Variants in TPST1 observed in about 807,000 individuals in gnomAD.
TPST1 encodes the protein protein-tyrosine sulfotransferase 1.
TPST1 carries 20 observed loss-of-function variants against 34.8 expected under a neutral mutation model. The ratio of observed to expected loss-of-function variants is 0.57; its 90% confidence interval spans 0.40 to 0.84. The LOEUF (loss-of-function observed/expected upper bound fraction) is 0.84. Ranked by LOEUF, TPST1 falls within the 40% of genes least tolerant of loss-of-function variation. TPST1 has a pLI of 0.00. For missense variants in TPST1, 353 were observed against 455.5 expected (o/e 0.78, Z 2.05); for synonymous variants, 152 against 159.4 (o/e 0.95, Z 0.35).
chr7:66,225,996 C>T (rs1254461375), intron 1 of TPST1, among the ~76,000 whole-genome samples: 1 of 152,108 alleles, frequency 6.6e-6, no homozygotes, highest in Non-Finnish European at 1.5e-5. Context: ...ACGCCATTCT[C>T]CTGTCTCAGC....
At chr7:66,263,503 A>G (rs534737570) in intron 2 of TPST1, among the ~76,000 whole-genome samples, 1 of 152,318 alleles carries the variant, frequency 6.6e-6, no homozygotes, top group South Asian at 2.1e-4. Context: ...ACCTGAGGCA[A>G]TATTTCTTCA....
At chr7:66,355,902 CAAAAA>C (rs573200695) in intron 4 of TPST1, among the ~76,000 whole-genome samples, 1,408 of 56,862 alleles carry the variant, frequency 0.025, 17 homozygotes, top group African/African-American at 0.093. Flanking sequence ...AAGACTCCAT[CAAAAA>C]AAAAAAAAAA....
chr7:66,326,705 C>A (rs1371841285), intron 3 of TPST1, among the ~76,000 whole-genome samples: 1 of 152,186 alleles, frequency 6.6e-6, no homozygotes, highest in Non-Finnish European at 1.5e-5. Context: ...CAACTCAATT[C>A]ACATTCCAAT....
intron 2 of TPST1, among the ~76,000 whole-genome samples, chr7:66,253,155 A>G (rs1790302667): frequency 6.6e-6 from 1 of 152,196 alleles, no homozygotes; most frequent in South Asian, 2.1e-4. Context: ...GTTAGGTATT[A>G]TAAGTAATCT....
chr7:66,338,963 ACAAAC>A (rs1466606642), intron 3 of TPST1, among the ~76,000 whole-genome samples: 1 of 152,164 alleles, frequency 6.6e-6, no homozygotes, highest in Non-Finnish European at 1.5e-5. Flanking sequence ...CATCTAAAAA[ACAAAC>A]CAATGTTAAT....
chr7:66,232,570 G>A (rs1201863468), intron 1 of TPST1, among the ~76,000 whole-genome samples: 1 of 152,076 alleles, frequency 6.6e-6, no homozygotes, highest in East Asian at 1.9e-4. Flanking sequence ...TGTTAGCCAG[G>A]ATGGTCTCGA....
intron 3 of TPST1, among the ~76,000 whole-genome samples, chr7:66,292,594 A>G (rs1452563420): frequency 9.4e-6 from 1 of 106,246 alleles, no homozygotes; most frequent in Non-Finnish European, 1.9e-5. Context: ...GAAAAGCGCA[A>G]TATTTGGGTG....
rs546339747 is a variant in TPST1 at position 66,227,028 on chromosome 7, C to CTTTTTTTTTTTTTTTTTTT, written c.-101-13292_-101-13274dup. 2.3e-4 allele frequency among the ~76,000 whole-genome samples: 16 copies of CTTTTTTTTTTTTTTTTTTT among 69,206 alleles called. 5 individuals carry two copies. Among genetic ancestry groups the CTTTTTTTTTTTTTTTTTTT allele is most frequent in the African/African-American group, 1.1e-3 (16 of 14,898 alleles). The allele number at this position is 69,206 out of a possible 152,430, so 45.4% of individuals were successfully genotyped here. A position where few individuals can be genotyped will look rare whatever the true frequency, so the allele number is the denominator to read the frequency against. On this transcript the variant is annotated intron_variant, in intron 1 of 5. Coordinates refer to ENST00000304842, the MANE Select transcript of TPST1 (RefSeq NM_003596.4). ...TTGGTGTTGGATGCCTTAAAATAAG[C>CTTTTTTTTTTTTTTTTTTT]TTTTTTTTTTTTTTTTTTTTTTTGA...
intron 2 of TPST1, among the ~76,000 whole-genome samples, chr7:66,273,904 G>A (rs1273145459): frequency 6.6e-6 from 1 of 152,156 alleles, no homozygotes; most frequent in African/African-American, 2.4e-5. Flanking sequence ...CTGGGTTCAA[G>A]CGATTCTCTC....
At chr7:66,210,983 A>ACG (rs1039129628) in intron 1 of TPST1, among the ~76,000 whole-genome samples, 17 of 151,556 alleles carry the variant, frequency 1.1e-4, no homozygotes, top group East Asian at 3.9e-4. Flanking sequence ...TGCCACACAC[A>ACG]CGCGCGCGCA....
chr7:66,270,762 G>A (rs943474192), intron 2 of TPST1, among the ~76,000 whole-genome samples: 5 of 152,088 alleles, frequency 3.3e-5, no homozygotes, highest in Non-Finnish European at 2.9e-5. Flanking sequence ...TAAATTGATC[G>A]CTGAGCCCAG....
rs915341558 is a variant in TPST1 at position 66,241,127 on chromosome 7, C to T, written c.702C>T (p.Cys234=). The T allele has an allele frequency of 3.1e-6, 5 of 1,614,134 alleles. No homozygotes were observed. Among genetic ancestry groups the T allele is most frequent in the South Asian group, 1.1e-5 (1 of 91,084 alleles). Residue 234 remains cysteine (C), a synonymous_variant, in exon 2 of 6, where the codon TGC becomes TGT. Coordinates refer to ENST00000304842, the MANE Select transcript of TPST1 (RefSeq NM_003596.4). ...GTATGGAGGTTGGTTATAAAAAGTGCATGTTGGTTCACTATGAACAACTTG... is the reference window on the plus strand; with the variant it reads ...GTATGGAGGTTGGTTATAAAAAGTGTATGTTGGTTCACTATGAACAACTTG... The part of the protein sequence containing the change: ...NQCMEVGYKK[C]MLVHYEQLVL...
intron 1 of TPST1, among the ~76,000 whole-genome samples, chr7:66,239,646 A>T (rs74424313): frequency 0.029 from 4,391 of 152,324 alleles, 90 homozygotes; most frequent in Non-Finnish European, 0.044. Flanking sequence ...TCTGAATAGC[A>T]GAGATCAGCC....
chr7:66,303,560 C>G (rs954395944), intron 3 of TPST1, among the ~76,000 whole-genome samples: 186 of 152,216 alleles, frequency 1.2e-3, no homozygotes, highest in African/African-American at 4.3e-3. Context: ...CAGGTGCATG[C>G]CACCATGCCT....
At chr7:66,344,530 A>C (rs1317641195) in intron 3 of TPST1, 4 of 152,338 alleles carry the variant, frequency 2.6e-5, no homozygotes, top group Admixed American at 2.6e-4. Flanking sequence ...CTCCTGCCTC[A>C]GCCTCCAGAG....
intron 2 of TPST1, among the ~76,000 whole-genome samples, chr7:66,248,503 G>GTTTTTT (rs373801835): frequency 2.4e-5 from 3 of 124,264 alleles, no homozygotes; most frequent in African/African-American, 3.0e-5. Flanking sequence ...AACATTTAGT[G>GTTTTTT]TTTTTTTTTT....
At chr7:66,259,449 T>G (rs1335572680) in intron 2 of TPST1, among the ~76,000 whole-genome samples, 2 of 152,140 alleles carry the variant, frequency 1.3e-5, no homozygotes, top group African/African-American at 4.8e-5. Flanking sequence ...AGTTTTATAG[T>G]TTATATAAAA....
chr7:66,313,773 A>G (rs1791579239), intron 3 of TPST1, among the ~76,000 whole-genome samples: 1 of 152,074 alleles, frequency 6.6e-6, no homozygotes, highest in Admixed American at 6.6e-5. Flanking sequence ...TCCCAAATTC[A>G]TGTGTTTGTC....
rs368175009 is a variant in TPST1, at chr7:66,321,110, T to G, written c.1045-31395T>G. ...AGTTATGATTATGATTATAGTTGATTACAGCAAAAGGATATGAAGTAAAAG... is the reference window on the plus strand; with the variant it reads ...AGTTATGATTATGATTATAGTTGATGACAGCAAAAGGATATGAAGTAAAAG... On this transcript the variant is annotated intron_variant, in intron 3 of 5. Coordinates refer to ENST00000304842, the MANE Select transcript of TPST1 (RefSeq NM_003596.4). Among the ~76,000 whole-genome samples, 8 of 152,288 alleles carry G rather than the reference T, an allele frequency of 5.3e-5. No homozygotes were observed. The South Asian group carries it at 1.2e-3, about 24-fold the overall frequency.
Sources: allele counts gnomAD v4.1 joint callset (sites outside exome capture counted in the v4.1 genomes callset), GRCh38; gene constraint gnomAD v4.1.1; transcripts MANE v1.5; gene names NCBI Gene and HGNC (gene_info 2026-07-23, HGNC 2026-07-21).